NAALADL2: variants seen among roughly 807,000 people sequenced by gnomAD.
NAALADL2 encodes the protein inactive N-acetylated-alpha-linked acidic dipeptidase-like protein 2.
In NAALADL2, 76 loss-of-function variants were observed where a neutral mutation model predicts 87.2. The ratio of observed to expected loss-of-function variants is 0.87; its 90% CI spans 0.72 to 1.05. The LOEUF (loss-of-function observed/expected upper bound fraction) is 1.05. Among genes scored for constraint, NAALADL2 ranks in the 50% least tolerant of loss-of-function variants. The probability of loss-of-function intolerance (pLI) is 0.00; values close to 1 mark genes in which losing one functional copy is unlikely to be tolerated. For missense variants in NAALADL2, 1,089 were observed against 945.8 expected, an observed-to-expected ratio of 1.15 and a Z score of -1.99; for synonymous variants, 354 against 331.0, an observed-to-expected ratio of 1.07 and a Z score of -0.75.
chr3:175,268,068 C>T (rs1752236607), intron 4 of NAALADL2, among the ~76,000 whole-genome samples: 1 of 152,148 alleles, frequency 6.6e-6, no homozygotes, highest in South Asian at 2.1e-4. Context: ...AGGCATGCAT[C>T]ACTTAACAAA....
intron 2 of NAALADL2, among the ~76,000 whole-genome samples, chr3:175,131,497 T>C (rs1469694627): frequency 6.6e-6 from 1 of 152,148 alleles, no homozygotes; most frequent in Non-Finnish European, 1.5e-5. Flanking sequence ...AGGATAATAA[T>C]TTTTCTTAGT....
chr3:175,434,677 A>G (rs1581868770), intron 5 of NAALADL2, among the ~76,000 whole-genome samples: 1 of 152,040 alleles, frequency 6.6e-6, no homozygotes, highest in Admixed American at 6.6e-5. Context: ...TTTATTTGCT[A>G]TCTGTTAAAA....
At chr3:175,460,945 T>G (rs1366453589) in intron 6 of NAALADL2, among the ~76,000 whole-genome samples, 1 of 152,202 alleles carries the variant, frequency 6.6e-6, no homozygotes, top group Non-Finnish European at 1.5e-5. Flanking sequence ...TGTGGCCAGC[T>G]TTTATTCCCT....
At chr3:175,281,119 AAT>A (rs201634376) in intron 4 of NAALADL2, among the ~76,000 whole-genome samples, 9 of 149,306 alleles carry the variant, frequency 6.0e-5, no homozygotes, top group South Asian at 2.1e-4. Context: ...ACTTAAAAAA[AAT>A]ATATATATAT....
chr3:174,771,431 T>C lies in NAALADL2; in HGVS notation c.-9+33685T>C, dbSNP rs573554550. ...AAGTGCAGTACTAGGGACATGGTTGTTACTGAATGAGGAAAAGATAGGGAG... is the reference window on the plus strand; with the variant it reads ...AAGTGCAGTACTAGGGACATGGTTGCTACTGAATGAGGAAAAGATAGGGAG... On this transcript the variant is annotated intron_variant, in intron 3 of 3. Coordinates refer to the NAALADL2 transcript ENST00000434257. Among the ~76,000 whole-genome samples, 14 of 152,198 alleles carry C rather than the reference T, an allele frequency of 9.2e-5. No individual in the cohort carries two copies. In the South Asian group the frequency reaches 2.9e-3, roughly 32 times the overall value.
At chr3:175,419,803 C>T (rs534703031) in intron 5 of NAALADL2, among the ~76,000 whole-genome samples, 2 of 151,904 alleles carry the variant, frequency 1.3e-5, no homozygotes, top group South Asian at 2.1e-4. Flanking sequence ...TGGGGATGAA[C>T]TATTTGACTA....
intron 12 of NAALADL2, among the ~76,000 whole-genome samples, chr3:175,751,054 A>G (rs1187567989): frequency 6.6e-6 from 1 of 152,140 alleles, no homozygotes; most frequent in African/African-American, 2.4e-5. Context: ...TTCAGTAGAC[A>G]GTCAACTATA....
At chr3:174,688,401 TA>T (rs1357820232) in intron 2 of NAALADL2, among the ~76,000 whole-genome samples, 3 of 129,212 alleles carry the variant, frequency 2.3e-5, no homozygotes, top group East Asian at 6.3e-4. Flanking sequence ...TAAAATAATA[TA>T]AAAAATATAA....
At chr3:174,886,250 G>A (rs903309943) in intron 1 of NAALADL2, among the ~76,000 whole-genome samples, 1 of 152,056 alleles carries the variant, frequency 6.6e-6, no homozygotes, top group Non-Finnish European at 1.5e-5. Flanking sequence ...GGAGTCCAGT[G>A]TTTGAGGGCA....
At chr3:175,187,829 A>T in intron 2 of NAALADL2, among the ~76,000 whole-genome samples, 1 of 152,218 alleles carries the variant, frequency 6.6e-6, no homozygotes, top group East Asian at 1.9e-4. Context: ...TGAAGTGACT[A>T]TAAAAATGAG....
intron 1 of NAALADL2, among the ~76,000 whole-genome samples, chr3:174,954,640 C>T (rs958446119): frequency 4.1e-4 from 63 of 152,020 alleles, no homozygotes; most frequent in African/African-American, 1.5e-3. Context: ...TTGGTATACT[C>T]AGTAAACAAT....
chr3:174,852,354 A>G (rs1454108926), intron 3 of NAALADL2, among the ~76,000 whole-genome samples: 1 of 152,202 alleles, frequency 6.6e-6, no homozygotes, highest in African/African-American at 2.4e-5. Context: ...TAGAACTGAT[A>G]AACAAATTTA....
intron 2 of NAALADL2, among the ~76,000 whole-genome samples, chr3:174,622,754 A>G (rs1560099581): frequency 1.3e-5 from 2 of 152,160 alleles, no homozygotes; most frequent in East Asian, 3.9e-4. Flanking sequence ...TAGTAAGAGG[A>G]ATCGGGCCGG....
chr3:175,097,371 T>A, intron 2 of NAALADL2, 80 bp downstream of exon 2: 9 of 1,318,278 alleles, frequency 6.8e-6, no homozygotes, highest in Non-Finnish European at 9.4e-6. Flanking sequence ...ACTGATGATT[T>A]TTCATGGTTC....
chr3:175,353,763 A>G (rs1254666358), intron 5 of NAALADL2, among the ~76,000 whole-genome samples: 9 of 152,242 alleles, frequency 5.9e-5, no homozygotes, highest in Admixed American at 5.9e-4. Context: ...GTTTCCAAAT[A>G]CAGCAAATTT....
intron 11 of NAALADL2, among the ~76,000 whole-genome samples, chr3:175,628,151 GTACCCA>G (rs754531318): frequency 6.6e-6 from 1 of 151,630 alleles, no homozygotes; most frequent in Non-Finnish European, 1.5e-5. Context: ...CCTACATCAA[GTACCCA>G]TACAACCATT....
intron 6 of NAALADL2, among the ~76,000 whole-genome samples, chr3:175,461,076 A>T (rs1038975960): frequency 6.6e-6 from 1 of 152,062 alleles, no homozygotes; most frequent in Non-Finnish European, 1.5e-5. Context: ...ACAGTTCTTT[A>T]GCTAGATACA....
intron 2 of NAALADL2, among the ~76,000 whole-genome samples, chr3:175,102,590 A>ACATT (rs1722399479): frequency 6.6e-6 from 1 of 152,166 alleles, no homozygotes; most frequent in African/African-American, 2.4e-5. Flanking sequence ...CTTACTAGAC[A>ACATT]CATTTTATTT....
chr3:175,288,947 G>C (rs1479922091), intron 4 of NAALADL2, among the ~76,000 whole-genome samples: 1 of 152,114 alleles, frequency 6.6e-6, no homozygotes. Flanking sequence ...CAAAACTGCT[G>C]ATTTATGGGT....
Sources: allele counts gnomAD v4.1 joint callset (sites outside exome capture counted in the v4.1 genomes callset), GRCh38; gene constraint gnomAD v4.1.1; transcripts MANE v1.5; gene names NCBI Gene and HGNC (gene_info 2026-07-23, HGNC 2026-07-21).